BNC2: variants seen among roughly 807,000 people sequenced by gnomAD.
BNC2 encodes basonuclin zinc finger protein 2.
BNC2 carries 20 observed loss-of-function variants against 76.3 expected under a neutral mutation model. The observed-to-expected ratio is 0.26, with a 90% CI of 0.18 to 0.38. BNC2 has a LOEUF of 0.38. BNC2 is among the 10% of genes least tolerant of loss of function. The pLI, the probability that BNC2 is intolerant of heterozygous loss-of-function variation, is 1.00. For missense variants in BNC2, 1,382 were observed against 1,399.8 expected (o/e 0.99, Z 0.20); for synonymous variants, 582 against 514.8 (o/e 1.13, Z -1.77).
intron 3 of BNC2, among the ~76,000 whole-genome samples, chr9:16,594,611 C>T (rs1175530573): frequency 6.6e-6 from 1 of 152,106 alleles, no homozygotes; most frequent in East Asian, 1.9e-4. Context: ...AACTGATTAC[C>T]CAGGCCAATT....
chr9:16,743,386 C>T (rs1824906679), intron 1 of BNC2, among the ~76,000 whole-genome samples: 1 of 152,134 alleles, frequency 6.6e-6, no homozygotes, highest in South Asian at 2.1e-4. Flanking sequence ...TATAAGGCAT[C>T]TCTTTCCTGG....
At chr9:16,429,867 T>A (rs1023018000) in intron 6 of BNC2, 8 of 473,260 alleles carry the variant, frequency 1.7e-5, no homozygotes, top group Non-Finnish European at 3.4e-5. Flanking sequence ...AGCAGAGGCT[T>A]AAACGAGCTT....
At chr9:16,725,486 G>C (rs1182284712) in intron 3 of BNC2, among the ~76,000 whole-genome samples, 1 of 151,898 alleles carries the variant, frequency 6.6e-6, no homozygotes, top group Admixed American at 6.6e-5. Context: ...TGGGTTGGGG[G>C]GATAGGAGTG....
At chr9:16,528,114 G>T (rs927362407) in intron 5 of BNC2, among the ~76,000 whole-genome samples, 3 of 152,070 alleles carry the variant, frequency 2.0e-5, no homozygotes, top group African/African-American at 7.2e-5. Context: ...GACAAAATGA[G>T]AAGAAAAATC....
chr9:16,814,258 C>A (rs563972335), intron 1 of BNC2, among the ~76,000 whole-genome samples: 9 of 152,262 alleles, frequency 5.9e-5, no homozygotes, highest in Admixed American at 3.3e-4. Flanking sequence ...AGTTGGTGGG[C>A]CAGCACGTGA....
In BNC2 at chr9:16,440,974, T is replaced by C. The variant is rs182297325; in HGVS notation, c.670-3450A>G. 1.1e-4 allele frequency among the ~76,000 whole-genome samples: 17 copies of C among 152,318 alleles called. No individual in the cohort carries two copies. The East Asian group carries it at 1.9e-3, about 17-fold the overall frequency. ...CAAATAGACTTAAGAACGGGACACA[T>C]AGCTCTATAACACCAAACTAGAGTC... On this transcript the variant is annotated intron_variant, in intron 5 of 6. Coordinates refer to ENST00000380672, the MANE Select transcript of BNC2 (RefSeq NM_017637.6).
chr9:16,692,041 C>T (rs1823189064), intron 3 of BNC2, among the ~76,000 whole-genome samples: 2 of 151,386 alleles, frequency 1.3e-5, no homozygotes, highest in Admixed American at 1.3e-4. Context: ...GAACTCCTGA[C>T]CTAAAGTGAT....
chr9:16,572,730 G>C (rs1463626917), intron 4 of BNC2, among the ~76,000 whole-genome samples: 1 of 152,148 alleles, frequency 6.6e-6, no homozygotes, highest in Non-Finnish European at 1.5e-5. Flanking sequence ...AAACTGGCCA[G>C]GATCAATAGT....
Position 16,512,486 on chromosome 9 carries a change from A to G in BNC2, c.669+40044T>C, listed in dbSNP as rs77373415. Among the ~76,000 whole-genome samples, 259 of 117,862 alleles carry G rather than the reference A, an allele frequency of 2.2e-3. No individual in the cohort carries two copies. In the East Asian group the frequency reaches 0.026, roughly 12 times the overall value. 77.3% of individuals were successfully genotyped at this position (117,862 alleles called of 152,430 possible). A position where few individuals can be genotyped will look rare whatever the true frequency, so the allele number is the denominator to read the frequency against. ...AGACCAATAAAGGTAACACACGCGC[A>G]CACACACACACACACACACAAATAG... On this transcript the variant is annotated intron_variant, in intron 5 of 6. Transcript: ENST00000380672.
chr9:16,714,776 A>G (rs1357130119), intron 3 of BNC2, among the ~76,000 whole-genome samples: 2 of 152,180 alleles, frequency 1.3e-5, no homozygotes, highest in African/African-American at 4.8e-5. Context: ...AAAATCAATA[A>G]CAGGATGACC....
intron 6 of BNC2, 132 bp downstream of exon 6, chr9:16,435,423 A>T (rs1820986830): frequency 9.0e-7 from 1 of 1,111,788 alleles, no homozygotes; most frequent in Admixed American, 1.8e-5. Flanking sequence ...TAGTTATCAC[A>T]TGATCACTGT....
At chr9:16,824,344 G>C (rs765077238) in intron 1 of BNC2, among the ~76,000 whole-genome samples, 2 of 152,104 alleles carry the variant, frequency 1.3e-5, no homozygotes, top group African/African-American at 4.8e-5. Context: ...GAAACTTCTG[G>C]AAATTCAAAG....
chr9:16,450,491 G>GAC (rs1337558846), intron 5 of BNC2, among the ~76,000 whole-genome samples: 1 of 152,148 alleles, frequency 6.6e-6, no homozygotes, highest in Non-Finnish European at 1.5e-5. Context: ...TCCACTATAT[G>GAC]ACACCAAGGT....
chr9:16,496,738 G>A (rs1822398937), intron 5 of BNC2, among the ~76,000 whole-genome samples: 3 of 152,152 alleles, frequency 2.0e-5, no homozygotes, highest in Non-Finnish European at 2.9e-5. Flanking sequence ...AAGATGGGGA[G>A]GGGATGATCT....
chr9:16,820,941 T>A (rs1182368763), intron 1 of BNC2, among the ~76,000 whole-genome samples: 2 of 151,994 alleles, frequency 1.3e-5, no homozygotes, highest in East Asian at 3.9e-4. Context: ...CGCAGTGTAA[T>A]CCCAGAACTT....
intron 3 of BNC2, among the ~76,000 whole-genome samples, chr9:16,697,811 C>T (rs573829162): frequency 2.8e-4 from 42 of 151,740 alleles, no homozygotes; most frequent in African/African-American, 9.7e-4. Flanking sequence ...GGAGTAGGAG[C>T]TGGTATGAGA....
chr9:16,781,681 CAAG>C (rs1454498075), intron 1 of BNC2, among the ~76,000 whole-genome samples: 3 of 152,030 alleles, frequency 2.0e-5, no homozygotes, highest in Non-Finnish European at 4.4e-5. Context: ...TTTAAAACAA[CAAG>C]AAGTTAGAAA....
At chr9:16,532,016 T>C (rs1463488066) in intron 5 of BNC2, among the ~76,000 whole-genome samples, 1 of 151,350 alleles carries the variant, frequency 6.6e-6, no homozygotes, top group Non-Finnish European at 1.5e-5. Context: ...TGCTAACGCA[T>C]ATTAAATTTT....
chr9:16,684,413 G>A (rs956656136), intron 3 of BNC2, among the ~76,000 whole-genome samples: 1 of 151,958 alleles, frequency 6.6e-6, no homozygotes, highest in Non-Finnish European at 1.5e-5. Context: ...CCAGTTTGGG[G>A]CACAGCAGAG....
Sources: gnomAD v4.1 joint callset for allele counts (sites outside exome capture counted in the v4.1 genomes callset) on GRCh38, gnomAD v4.1.1 for gene constraint, MANE v1.5 for transcripts, NCBI Gene and HGNC (gene_info 2026-07-23, HGNC 2026-07-21) for gene names.